ANKRD16: variants seen among roughly 807,000 people sequenced by gnomAD.
ANKRD16 encodes the protein ankyrin repeat domain 16, also known as ankyrin repeat domain-containing protein 16.
ANKRD16 carries 35 observed loss-of-function variants against 37.9 expected under a neutral mutation model. The observed-to-expected ratio is 0.92, with a 90% CI of 0.71 to 1.23. The LOEUF is 1.23. ANKRD16 is among the 50% of genes most tolerant of loss of function. The pLI is 0.00. For synonymous variants in ANKRD16, 206 were observed against 197.2 expected (o/e 1.04, Z -0.37); for missense variants, 480 against 469.9 (o/e 1.02, Z -0.20).
intron 7 of ANKRD16, among the ~76,000 whole-genome samples, chr10:5,873,205 T>A (rs746266208): frequency 6.6e-6 from 1 of 152,014 alleles, no homozygotes; most frequent in Non-Finnish European, 1.5e-5. Flanking sequence ...AACTTTTTTG[T>A]ATTTTTAGTA....
chr10:5,882,549 C>T (rs180699291), intron 5 of ANKRD16, among the ~76,000 whole-genome samples: 43 of 151,536 alleles, frequency 2.8e-4, no homozygotes, highest in Non-Finnish European at 1.5e-5. Flanking sequence ...GGATAATATG[C>T]AAAACGCTCC....
In ANKRD16 at chr10:5,865,798, G is replaced by C. The variant is rs1007197585; in HGVS notation, c.*34-3107C>G. Among the ~76,000 whole-genome samples the C allele has an allele frequency of 1.3e-5, 2 of 152,130 alleles. No individual in the cohort carries two copies. The highest frequency in any genetic ancestry group is 2.9e-5 in the Non-Finnish European group (2 of 68,032). ...ATTTGTTGTCCCCTGCTTGAGGAGG[G>C]AATCAACCCTGAAGTCTGGGCATTG... On this transcript the variant is annotated intron_variant, in intron 7 of 7. Transcript: ENST00000380094. The surrounding 1 kb of genome is among the most constrained non-coding windows in gnomAD (Gnocchi z 4.7).
chr10:5,881,057 C>T, intron 5 of ANKRD16: 1 of 505,590 alleles, frequency 2.0e-6, no homozygotes, highest in Non-Finnish European at 2.5e-6. Flanking sequence ...TCTCAGCCTC[C>T]CAAAGTGTTG....
In ANKRD16 at chr10:5,864,542, C is replaced by T. The variant is rs1841988135; in HGVS notation, c.*34-1851G>A. Among the ~76,000 whole-genome samples the T allele has an allele frequency of 6.6e-6, 1 of 152,164 alleles. No homozygotes were observed. Among genetic ancestry groups the T allele is most frequent in the African/African-American group, 2.4e-5 (1 of 41,422 alleles). ...CCTTCAATCTCACCTGGAGAGATGT[C>T]ATGCTATTGCTAGATCACACCCTGG... On this transcript the variant is annotated intron_variant, in intron 7 of 7. Coordinates refer to ENST00000380094, the MANE Select transcript of ANKRD16 (RefSeq NM_019046.3). This position sits in a 1 kb window ranked among gnomAD's most constrained non-coding sequence, Gnocchi z 4.4.
At chr10:5,880,529 A>G (rs2131771725) in intron 5 of ANKRD16, among the ~76,000 whole-genome samples, 153 bp from the exon 6 acceptor site, 1 of 152,274 alleles carries the variant, frequency 6.6e-6, no homozygotes, top group African/African-American at 2.4e-5. Flanking sequence ...TCTCTCTCCA[A>G]AGATGATTTT....
intron 1 of ANKRD16, 88 bp from the exon 2 acceptor site, chr10:5,888,155 G>A: frequency 1.6e-6 from 2 of 1,230,336 alleles, no homozygotes; most frequent in South Asian, 1.4e-5. Flanking sequence ...CACATCCTTG[G>A]CACAGATGGA....
intron 7 of ANKRD16, among the ~76,000 whole-genome samples, chr10:5,867,783 C>T (rs1842037319): frequency 1.3e-5 from 2 of 152,290 alleles, no homozygotes; most frequent in Middle Eastern, 3.4e-3. Context: ...CACACACTCT[C>T]AAAGGATTTC....
chr10:5,885,281 C>T (rs1175134367), intron 3 of ANKRD16, among the ~76,000 whole-genome samples: 1 of 152,032 alleles, frequency 6.6e-6, no homozygotes, highest in East Asian at 1.9e-4. Context: ...CTTGGGTTCA[C>T]GCCATTCTCC....
In ANKRD16 at chr10:5,861,749, T is replaced by A. The variant is rs1310726579; in HGVS notation, c.*976A>T. 1 of 117,570 alleles carries A rather than the reference T, an allele frequency of 8.5e-6. No homozygotes were observed. Among genetic ancestry groups the A allele is most frequent in the South Asian group, 2.6e-4 (1 of 3,896 alleles). 7.3% of individuals were successfully genotyped at this position (117,570 alleles called of 1,614,324 possible). ...TGTTAAGTGGCTTAGATGAAATGTC[T>A]TTTTTTTTTTTGGTTATCAGATAAC... On this transcript the variant is annotated 3_prime_UTR_variant, in exon 8 of 8. Transcript: ENST00000380094.
At chr10:5,883,268 C>T (rs369708743) in intron 4 of ANKRD16, 101 bp from the exon 5 acceptor site, 10 of 1,205,162 alleles carry the variant, frequency 8.3e-6, no homozygotes, top group South Asian at 3.0e-5. Context: ...GAGCTGTTTA[C>T]GCACAACTCT....
At chr10:5,872,792 G>A (rs544066242) in intron 7 of ANKRD16, among the ~76,000 whole-genome samples, 25 of 151,904 alleles carry the variant, frequency 1.6e-4, no homozygotes, top group Middle Eastern at 3.4e-3. Context: ...TCCTGACCTC[G>A]TGATCTGCCC....
At chr10:5,877,175 C>T in intron 7 of ANKRD16, among the ~76,000 whole-genome samples, 1 of 152,048 alleles carries the variant, frequency 6.6e-6, no homozygotes, top group South Asian at 2.1e-4. Context: ...TGCAGTGGCG[C>T]TATCTCAGCT....
At chr10:5,872,682 G>T (rs894952824) in intron 7 of ANKRD16, among the ~76,000 whole-genome samples, 5 of 147,536 alleles carry the variant, frequency 3.4e-5, no homozygotes, top group Admixed American at 6.8e-5. Context: ...TCAGCCTCTC[G>T]AGTAGCTAGG....
rs79994529 is a variant in ANKRD16 at position 5,870,751 on chromosome 10, C to T, written c.*33+7346G>A. On this transcript the variant is annotated intron_variant, in intron 7 of 7. Coordinates refer to ENST00000380094, the MANE Select transcript of ANKRD16 (RefSeq NM_019046.3). This position sits in a 1 kb window ranked among gnomAD's most constrained non-coding sequence, Gnocchi z 5.0. ...TCACTCCCCTTCAGGATGCTTTGGG[C>T]CTTCCAGAGTAGGAAGAGTAACAAG... 2.6e-5 allele frequency among the ~76,000 whole-genome samples: 4 copies of T among 152,202 alleles called. No homozygotes were observed. The highest frequency in any genetic ancestry group is 6.5e-5 in the Admixed American group (1 of 15,296).
intron 3 of ANKRD16, among the ~76,000 whole-genome samples, chr10:5,884,882 G>A (rs1052249857): frequency 7.2e-5 from 11 of 152,044 alleles, no homozygotes; most frequent in Non-Finnish European, 1.2e-4. Context: ...TGGAGCATCC[G>A]TGGGTGCTGT....
rs371550606 is a variant in ANKRD16 at position 5,871,662 on chromosome 10, CCTT to C, written c.*33+6432_*33+6434del. Among the ~76,000 whole-genome samples the C allele has an allele frequency of 0.026, 3,965 of 152,168 alleles. 159 individuals carry two copies. The highest frequency in any genetic ancestry group is 0.09 in the African/African-American group (3,720 of 41,490). On this transcript the variant is annotated intron_variant, in intron 7 of 7. Transcript: ENST00000380094. The surrounding 1 kb of genome is among the most constrained non-coding windows in gnomAD (Gnocchi z 4.5). ...TTCATGCCTCTGAGAAGGAAACTCT[CCTT>C]CTGCATCTGGAGCTGAGCTCCCCAA...
chr10:5,888,992 G>C (rs751493144), intron 1 of ANKRD16, 49 bp downstream of exon 1: 1 of 1,471,100 alleles, frequency 6.8e-7, no homozygotes, highest in Non-Finnish European at 9.0e-7. Context: ...AACTCGCTAC[G>C]ACTCTGCGAG....
At position 5,863,936 on chromosome 10, in the gene ANKRD16, G is replaced by T. The variant is rs1394834448; in HGVS notation, c.*34-1245C>A. Among the ~76,000 whole-genome samples, 1 of 152,060 alleles carries T rather than the reference G, an allele frequency of 6.6e-6. No homozygotes were observed. Among genetic ancestry groups the T allele is most frequent in the Non-Finnish European group, 1.5e-5 (1 of 68,038 alleles). ...ATGGGAAACACTCAGGCATCAACAGGCTCACCCTTGAAATGCATCTAAGCC... is the reference window on the plus strand; with the variant it reads ...ATGGGAAACACTCAGGCATCAACAGTCTCACCCTTGAAATGCATCTAAGCC... On this transcript the variant is annotated intron_variant, in intron 7 of 7. Transcript: ENST00000380094. This position sits in a 1 kb window ranked among gnomAD's most constrained non-coding sequence, Gnocchi z 4.7.
In ANKRD16 at chr10:5,864,734, T is replaced by C. The variant is rs952070371; in HGVS notation, c.*34-2043A>G. Among the ~76,000 whole-genome samples the C allele has an allele frequency of 6.6e-6, 1 of 151,602 alleles. No individual in the cohort carries two copies. Among genetic ancestry groups the C allele is most frequent in the South Asian group, 2.1e-4 (1 of 4,822 alleles). On this transcript the variant is annotated intron_variant, in intron 7 of 7. Transcript: ENST00000380094. The surrounding 1 kb of genome is among the most constrained non-coding windows in gnomAD (Gnocchi z 4.4). ...TCCAGTGGGACCTCAACTCAGACCA[T>C]GGGTACTGGAGTTGTAAACATCTGC...
Sources: allele counts gnomAD v4.1 joint callset (sites outside exome capture counted in the v4.1 genomes callset), GRCh38; gene constraint gnomAD v4.1.1; non-coding constraint Gnocchi (gnomAD v3.1); transcripts MANE v1.5; gene names NCBI Gene and HGNC (gene_info 2026-07-23, HGNC 2026-07-21).